Variants in PRKCI observed in about 807,000 individuals in gnomAD.
PRKCI encodes the protein protein kinase C iota type.
PRKCI carries 43 observed loss-of-function variants against 84.0 expected under a neutral mutation model. That is an observed-to-expected ratio of 0.51 (90% CI 0.40 to 0.66). PRKCI has a LOEUF of 0.66. Ranked by LOEUF, PRKCI falls within the 30% of genes least tolerant of loss-of-function variation. The pLI, the probability that PRKCI is intolerant of heterozygous loss-of-function variation, is 0.00. For missense variants in PRKCI, 459 were observed against 745.6 expected (o/e 0.62, Z 4.48); for synonymous variants, 216 against 234.4 (o/e 0.92, Z 0.72).
intron 9 of PRKCI, 39 bp from the exon 10 acceptor site, chr3:170,281,127 T>C: frequency 6.6e-7 from 1 of 1,508,676 alleles, no homozygotes; most frequent in Non-Finnish European, 9.2e-7. Flanking sequence ...TTAATTGTGA[T>C]ATCAGTTTGA....
Position 170,293,234 on chromosome 3 carries a change from A to G in PRKCI, c.1292-149A>G, listed in dbSNP as rs542824816. On this transcript the variant is annotated intron_variant, in intron 13 of 17. Coordinates refer to ENST00000295797, the MANE Select transcript of PRKCI (RefSeq NM_002740.6). ...CCTTGTTGATAAATGAAGCATTTCT[A>G]TAATCTTCAGTGCCTACCATGATAG... 83 of 610,308 alleles carry G rather than the reference A, an allele frequency of 1.4e-4. No homozygotes were observed. In the East Asian group the frequency reaches 1.7e-3, roughly 13 times the overall value. The allele number at this position is 610,308 out of a possible 1,614,324, so 37.8% of individuals were successfully genotyped here.
chr3:170,245,813 G>A (rs1733261061), intron 2 of PRKCI, among the ~76,000 whole-genome samples: 1 of 152,116 alleles, frequency 6.6e-6, no homozygotes, highest in Non-Finnish European at 1.5e-5. Context: ...CTGGGCTCAA[G>A]CAGTCCTCCT....
At chr3:170,294,848 G>A (rs1169542472) in intron 14 of PRKCI, among the ~76,000 whole-genome samples, 1 of 152,030 alleles carries the variant, frequency 6.6e-6, no homozygotes, top group Non-Finnish European at 1.5e-5. Context: ...AGTACAGGAG[G>A]CACTTCAGTT....
chr3:170,289,724 C>A (rs1418364818), intron 12 of PRKCI, among the ~76,000 whole-genome samples: 1 of 151,992 alleles, frequency 6.6e-6, no homozygotes, highest in Non-Finnish European at 1.5e-5. Flanking sequence ...ACCAACCTGA[C>A]CAACATGGTG....
In PRKCI at chr3:170,256,903, A is replaced by G. The variant is rs553546941; in HGVS notation, c.224-3066A>G. 4.0e-5 allele frequency among the ~76,000 whole-genome samples: 6 copies of G among 151,420 alleles called. No homozygotes were observed. The South Asian group carries it at 8.3e-4, about 21-fold the overall frequency. On this transcript the variant is annotated intron_variant, in intron 2 of 17. Coordinates refer to ENST00000295797, the MANE Select transcript of PRKCI (RefSeq NM_002740.6). ...TTCATTTTTTTCAAGAAATTTTTCA[A>G]TTTTTTTCTTAATTTTGTATTGACC... is the stretch of plus-strand genomic sequence containing the variant.
At position 170,301,670 on chromosome 3, in the gene PRKCI, G is replaced by A. The variant is rs562825295; in HGVS notation, c.1704-1370G>A. On this transcript the variant is annotated intron_variant, in intron 17 of 17. Transcript: ENST00000295797. ...TTTCATTATTTCATCATTTACATCAGATCTTTCTTTTCTCTTCCCGTTGAC... is the reference window on the plus strand; with the variant it reads ...TTTCATTATTTCATCATTTACATCAAATCTTTCTTTTCTCTTCCCGTTGAC... Among the ~76,000 whole-genome samples the A allele has an allele frequency of 5.3e-5, 8 of 152,114 alleles. No homozygotes were observed. In the South Asian group the frequency reaches 1.7e-3, roughly 32 times the overall value.
At chr3:170,262,127 A>T (rs1271733346) in intron 3 of PRKCI, among the ~76,000 whole-genome samples, 2 of 152,206 alleles carry the variant, frequency 1.3e-5, no homozygotes, top group Non-Finnish European at 2.9e-5. Flanking sequence ...AGATATTCAT[A>T]AATACATTGT....
At position 170,263,390 on chromosome 3, in the gene PRKCI, G is replaced by A. The variant is rs1202631310; in HGVS notation, c.325G>A (p.Val109Ile). ...SELLIHVFPCVPERPGMPCPG... is the reference protein window; with the variant it reads ...SELLIHVFPCIPERPGMPCPG... The stretch of plus-strand genomic sequence containing the variant: ...TTATTTTCTTTCAGTGTTCCCTTGT[G>A]TACCAGAACGTCCTGGGATGCCTTG... The change falls in exon 4 of 18, where the codon GTA becomes ATA. Residue 109 changes from valine (V) to isoleucine (I), a missense_variant. Physicochemically the swap from Val to Ile is conservative, Grantham distance 29. Transcript: ENST00000295797. 6.2e-7 allele frequency: 1 copy of A among 1,602,378 alleles called. No homozygotes were observed. Among genetic ancestry groups the A allele is most frequent in the African/African-American group, 1.3e-5 (1 of 74,620 alleles).
chr3:170,240,746 CA>C (rs1733110451), intron 2 of PRKCI, among the ~76,000 whole-genome samples: 1 of 152,128 alleles, frequency 6.6e-6, no homozygotes, highest in Non-Finnish European at 1.5e-5. Context: ...TTCCTCAAGC[CA>C]AACATTTAAT....
At chr3:170,244,032 C>T (rs371015528) in intron 2 of PRKCI, among the ~76,000 whole-genome samples, 9 of 152,298 alleles carry the variant, frequency 5.9e-5, no homozygotes, top group Admixed American at 2.6e-4. Flanking sequence ...TGCTATTCAT[C>T]GCTGGTTCCT....
At position 170,295,932 on chromosome 3, in the gene PRKCI, G is replaced by A; in HGVS notation, c.1439G>A (p.Arg480His). ...CTAGTTATTTTGGAAAAACAAATTC[G>A]CATACCACGTTCTCTGTCTGTAAAA... Reference protein sequence around the residue: ...LFQVILEKQIRIPRSLSVKAA... With the variant: ...LFQVILEKQIHIPRSLSVKAA... Residue 480 changes from arginine (R) to histidine (H), a missense_variant, in exon 15 of 18, where the codon CGC (arginine) becomes CAC (histidine). Arg to His is a conservative substitution (Grantham distance 29). This residue lies in a region of PRKCI where 209 missense variants were observed against 425.9 expected (regional missense o/e 0.49). Transcript: ENST00000295797. 1 of 1,566,906 alleles carries A rather than the reference G, an allele frequency of 6.4e-7. No individual in the cohort carries two copies. The highest frequency in any genetic ancestry group is 8.7e-7 in the Non-Finnish European group (1 of 1,151,764).
At position 170,222,583 on chromosome 3, in the gene PRKCI, G is replaced by A. The variant is rs1732514555; in HGVS notation, c.-87G>A. ...GTGGGCGGACGGCCGCGGTTCTCCG[G>A]CAAGCGCAGGCGGCGGAGTCCCCCA... On this transcript the variant is annotated 5_prime_UTR_variant, in exon 1 of 18. Transcript: ENST00000295797. 4 of 1,203,356 alleles carry A rather than the reference G, an allele frequency of 3.3e-6. No homozygotes were observed. The highest frequency in any genetic ancestry group is 3.4e-6 in the Non-Finnish European group (3 of 881,432). 74.5% of individuals were successfully genotyped at this position (1,203,356 alleles called of 1,614,324 possible).
At chr3:170,275,187 C>CTT (rs138637605) in intron 7 of PRKCI, 42 bp from the exon 8 acceptor site, 500 of 1,309,876 alleles carry the variant, frequency 3.8e-4, no homozygotes, top group Admixed American at 1.1e-3. Flanking sequence ...TCTCCTGCAC[C>CTT]TTTTTTTTTT....
intron 2 of PRKCI, among the ~76,000 whole-genome samples, chr3:170,238,425 A>G (rs2108838632): frequency 6.8e-6 from 1 of 148,010 alleles, no homozygotes; most frequent in East Asian, 2.0e-4. Context: ...TGCGCTGGAC[A>G]TTTTTTCATT....
In PRKCI at chr3:170,295,945, T is replaced by C; in HGVS notation, c.1452T>C (p.Ser484=). Residue 484 remains serine (S), a synonymous_variant, in exon 15 of 18, where the codon TCT becomes TCC. Coordinates refer to ENST00000295797, the MANE Select transcript of PRKCI (RefSeq NM_002740.6). ...AAAAACAAATTCGCATACCACGTTCTCTGTCTGTAAAAGCTGCAAGTGTTC... is the reference window on the plus strand; with the variant it reads ...AAAAACAAATTCGCATACCACGTTCCCTGTCTGTAAAAGCTGCAAGTGTTC... ...ILEKQIRIPR[S]LSVKAASVLK... is the part of the protein sequence containing the mutation. 6.3e-7 allele frequency: 1 copy of C among 1,576,246 alleles called. No individual in the cohort carries two copies. Among genetic ancestry groups the C allele is most frequent in the Admixed American group, 1.7e-5 (1 of 58,356 alleles).
intron 2 of PRKCI, among the ~76,000 whole-genome samples, chr3:170,237,044 C>G (rs1732997608): frequency 6.6e-6 from 1 of 152,092 alleles, no homozygotes; most frequent in African/African-American, 2.4e-5. Flanking sequence ...GAAGACACAT[C>G]TATAATACAT....
Position 170,293,324 on chromosome 3 carries a change from T to C in PRKCI, c.1292-59T>C, listed in dbSNP as rs1734610337. 1.6e-5 allele frequency: 24 copies of C among 1,489,784 alleles called. No individual in the cohort carries two copies. The South Asian group carries it at 2.9e-4, about 18-fold the overall frequency. The allele number at this position is 1,489,784 out of a possible 1,614,324, so 92.3% of individuals were successfully genotyped here. On this transcript the variant is annotated intron_variant, in intron 13 of 17. Coordinates refer to ENST00000295797, the MANE Select transcript of PRKCI (RefSeq NM_002740.6). ...TTCCTTTATGTGATAAAATTTCCAG[T>C]TACTAACTTTCAAGAATGCAAAGTG...
intron 2 of PRKCI, among the ~76,000 whole-genome samples, chr3:170,251,572 T>C (rs934671220): frequency 3.3e-5 from 5 of 152,194 alleles, no homozygotes; most frequent in Non-Finnish European, 7.3e-5. Flanking sequence ...GAGACATTAC[T>C]TTTCACCTAT....
At chr3:170,242,810 A>T (rs1268857080) in intron 2 of PRKCI, among the ~76,000 whole-genome samples, 1 of 151,862 alleles carries the variant, frequency 6.6e-6, no homozygotes, top group Non-Finnish European at 1.5e-5. Flanking sequence ...AGCTGGGATT[A>T]CAGACACCTG....
Sources: gnomAD v4.1 joint callset for allele counts (sites outside exome capture counted in the v4.1 genomes callset) on GRCh38, gnomAD v4.1.1 for gene constraint, gnomAD v4.1.1 regional missense constraint, MANE v1.5 for transcripts, NCBI Gene and HGNC (gene_info 2026-07-23, HGNC 2026-07-21) for gene names.